Variants in NIN observed in about 807,000 individuals in gnomAD.
The protein encoded by NIN is ninein, also known as glycogen synthase kinase 3 beta-interacting protein.
A neutral mutation model predicts 257.6 loss-of-function variants in NIN; 137 were observed. The ratio of observed to expected loss-of-function variants is 0.53; its 90% CI spans 0.46 to 0.61. NIN has a LOEUF of 0.61. Among genes scored for constraint, NIN ranks in the 20% least tolerant of loss-of-function variants. NIN has a pLI of 0.00. For synonymous variants in NIN, 918 were observed against 919.8 expected, an observed-to-expected ratio of 1.00 and a Z score of 0.04; for missense variants, 2,439 against 2,501.2, an observed-to-expected ratio of 0.98 and a Z score of 0.53.
chr14:50,735,751 C>A, intron 27 of NIN, 134 bp from the exon 28 acceptor site: 2 of 1,143,752 alleles, frequency 1.7e-6, no homozygotes, highest in Non-Finnish European at 2.4e-6. Context: ...CAGTGACAAA[C>A]AAATAATACA....
chr14:50,776,322 T>A (rs1382693715), intron 7 of NIN, among the ~76,000 whole-genome samples: 1 of 152,190 alleles, frequency 6.6e-6, no homozygotes, highest in Non-Finnish European at 1.5e-5. Flanking sequence ...GGGGGCTCCT[T>A]CAAAACTCTT....
intron 5 of NIN, among the ~76,000 whole-genome samples, chr14:50,782,077 A>C (rs191862716): frequency 1.1e-4 from 17 of 152,234 alleles, no homozygotes; most frequent in African/African-American, 4.1e-4. Flanking sequence ...AAGGATTAAA[A>C]CCAAGAAGTC....
chr14:50,810,684 TG>T (rs1566872060), intron 3 of NIN, among the ~76,000 whole-genome samples: 3 of 152,158 alleles, frequency 2.0e-5, no homozygotes, highest in African/African-American at 2.4e-5. Context: ...TTTTTTGAGA[TG>T]GAGTCTGGCT....
At chr14:50,789,141 C>T (rs1595873325) in intron 5 of NIN, among the ~76,000 whole-genome samples, 1 of 152,308 alleles carries the variant, frequency 6.6e-6, no homozygotes, top group Admixed American at 6.5e-5. Context: ...GACTCGGCCC[C>T]AGTCCCTCTT....
intron 4 of NIN, among the ~76,000 whole-genome samples, chr14:50,801,215 C>T (rs1043575563): frequency 3.3e-5 from 5 of 149,662 alleles, no homozygotes; most frequent in African/African-American, 7.4e-5. Flanking sequence ...CTCAGCCTCC[C>T]GAGTAGCTGG....
At chr14:50,815,800 G>A (rs2044865118) in intron 3 of NIN, among the ~76,000 whole-genome samples, 2 of 152,152 alleles carry the variant, frequency 1.3e-5, no homozygotes, top group Admixed American at 1.3e-4. Flanking sequence ...TTGAGGTCAG[G>A]AGTTTGAGAC....
At chr14:50,825,088 T>C (rs1295205606) in intron 2 of NIN, among the ~76,000 whole-genome samples, 1 of 152,228 alleles carries the variant, frequency 6.6e-6, no homozygotes, top group African/African-American at 2.4e-5. Context: ...GAAGGTTTGT[T>C]CTGAGAGTTA....
rs1410885320 is a variant in NIN, at chr14:50,754,617, A to G, written c.4680T>C (p.Thr1560=). ...SQEEMWQKTE[T]VKQENAAVQK... ...GAACTGCAGCATTTTCTTGTTTTAC[A>G]GTTTCCGTTTTTTGCCTAAAAGGAA... The change falls in exon 20 of 31, where the codon ACT becomes ACC. Residue 1560 remains threonine, a synonymous_variant. Transcript: ENST00000530997. 1 of 1,610,634 alleles carries G rather than the reference A, an allele frequency of 6.2e-7. No individual in the cohort carries two copies. Among genetic ancestry groups the G allele is most frequent in the East Asian group, 2.2e-5 (1 of 44,708 alleles).
rs1436824088 is a variant in NIN, at chr14:50,738,353, A to G, written c.5629-67T>C. 6 of 1,435,686 alleles carry G rather than the reference A, an allele frequency of 4.2e-6. No homozygotes were observed. The East Asian group carries it at 1.1e-4, about 27-fold the overall frequency. The allele number at this position is 1,435,686 out of a possible 1,614,324, so 88.9% of individuals were successfully genotyped here. ...CACCCAGCCAGCAAAAACAACAAAC[A>G]TAGGGAAAGTTTTAATTCAGTACTT... is the stretch of plus-strand genomic sequence containing the variant. On this transcript the variant is annotated intron_variant, in intron 26 of 30. Coordinates refer to ENST00000530997, the MANE Select transcript of NIN (RefSeq NM_020921.4).
intron 21 of NIN, among the ~76,000 whole-genome samples, chr14:50,751,779 G>A (rs746989408): frequency 2.0e-5 from 3 of 152,004 alleles, no homozygotes; most frequent in Non-Finnish European, 2.9e-5. Context: ...CTCCTGCCTC[G>A]GCCTCCCAAA....
At chr14:50,734,752 T>C (rs1027757199) in intron 28 of NIN, among the ~76,000 whole-genome samples, 1 of 152,106 alleles carries the variant, frequency 6.6e-6, no homozygotes, top group African/African-American at 2.4e-5. Context: ...TGATCTCAGC[T>C]CATTGCTACC....
chr14:50,751,494 T>A (rs1462508437), intron 21 of NIN, among the ~76,000 whole-genome samples: 2 of 152,200 alleles, frequency 1.3e-5, no homozygotes, highest in East Asian at 3.8e-4. Flanking sequence ...ACAAGTGTTG[T>A]TTTAATTTGC....
chr14:50,757,387 C>T lies in NIN; in HGVS notation c.3643G>A (p.Asp1215Asn), dbSNP rs532055768. The T allele has an allele frequency of 8.1e-6, 13 of 1,614,098 alleles. No individual in the cohort carries two copies. Among genetic ancestry groups the T allele is most frequent in the East Asian group, 2.2e-5 (1 of 44,886 alleles). Residue 1215 changes from aspartate (D) to asparagine (N), a missense_variant, in exon 18 of 31, where the codon GAT becomes AAT. Coordinates refer to ENST00000530997, the MANE Select transcript of NIN (RefSeq NM_020921.4). Reference protein sequence around the residue: ...EQLMMLCADCDRASEKKQDLL... With the variant: ...EQLMMLCADCNRASEKKQDLL... The stretch of plus-strand genomic sequence containing the variant: ...TCCTGTTTCTTTTCAGAAGCTCGAT[C>T]ACAGTCCGCACATAACATCATTAGC...
rs2042941825 is a variant in NIN at position 50,776,838 on chromosome 14, A to G, written c.666+111T>C. 6 of 988,508 alleles carry G rather than the reference A, an allele frequency of 6.1e-6. No individual in the cohort carries two copies. In the Admixed American group the frequency reaches 1.6e-4, roughly 26 times the overall value. The allele number at this position is 988,508 out of a possible 1,614,324, so 61.2% of individuals were successfully genotyped here. A position where few individuals can be genotyped will look rare whatever the true frequency, so the allele number is the denominator to read the frequency against. Reference sequence around the variant, plus strand: ...TTCATGAATGACTTCTTAGGAAAAAAGAAAATGGAGCCTAACAAGCTGCAG... The same window carrying G: ...TTCATGAATGACTTCTTAGGAAAAAGGAAAATGGAGCCTAACAAGCTGCAG... On this transcript the variant is annotated intron_variant, in intron 7 of 30. Coordinates refer to ENST00000530997, the MANE Select transcript of NIN (RefSeq NM_020921.4).
chr14:50,762,773 G>A (rs914963618), intron 15 of NIN, among the ~76,000 whole-genome samples: 6 of 152,210 alleles, frequency 3.9e-5, no homozygotes, highest in Admixed American at 6.5e-5. Context: ...GGGATACACA[G>A]GCAGATGGAA....
intron 28 of NIN, 112 bp downstream of exon 28, chr14:50,735,404 A>G: frequency 7.1e-7 from 1 of 1,409,992 alleles, no homozygotes. Flanking sequence ...TTGGCAGTGT[A>G]CTTAGATTTT....
upstream of NIN, chr14:50,831,241 A>T (rs1348707565): frequency 1.3e-5 from 2 of 151,528 alleles, no homozygotes; most frequent in East Asian, 3.9e-4. Context: ...CGGCTCAGGC[A>T]GCGGAGGGAG....
At chr14:50,755,552 T>C (rs2041981332) in intron 18 of NIN, among the ~76,000 whole-genome samples, 2 of 151,896 alleles carry the variant, frequency 1.3e-5, no homozygotes, top group South Asian at 4.1e-4. Context: ...TCAAATTAAT[T>C]CTACTTGTAT....
chr14:50,737,988 G>T, intron 27 of NIN, 152 bp downstream of exon 27: 1 of 763,248 alleles, frequency 1.3e-6, no homozygotes, highest in Non-Finnish European at 2.1e-6. Context: ...AAAGAACCAC[G>T]ATGCTATTTT....
Sources: gnomAD v4.1 joint callset for allele counts (sites outside exome capture counted in the v4.1 genomes callset) on GRCh38, gnomAD v4.1.1 for gene constraint, MANE v1.5 for transcripts, NCBI Gene and HGNC (gene_info 2026-07-23, HGNC 2026-07-21) for gene names.